MRC1: variants seen among roughly 807,000 people sequenced by gnomAD.
MRC1 encodes macrophage mannose receptor 1.
Under a neutral mutation model 102.9 loss-of-function variants are expected in MRC1, and 62 were observed. That is an observed-to-expected ratio of 0.60 (90% CI 0.49 to 0.74). The LOEUF (loss-of-function observed/expected upper bound fraction) is 0.74. MRC1 is among the 30% of genes least tolerant of loss of function. MRC1 has a pLI of 0.00. For missense variants in MRC1, 1,237 were observed against 862.8 expected (o/e 1.43, Z -5.43); for synonymous variants, 457 against 298.4 (o/e 1.53, Z -5.48).
chr10:17,873,813 G>A lies in MRC1; in HGVS notation c.2374G>A (p.Ala792Thr). ...AACACCAAAACCTGAGCCAACACCA[G>A]CTCCTCAAGACAGTAGGTGTTTTCT... is the stretch of plus-strand genomic sequence containing the variant. ...GQTPKPEPTP[A>T]PQDNPPVTED... The change falls in exon 16 of 30, where the codon GCT becomes ACT. Residue 792 changes from alanine (A) to threonine (T), a missense_variant. Coordinates refer to ENST00000569591, the MANE Select transcript of MRC1 (RefSeq NM_002438.4). 2 of 872,550 alleles carry A rather than the reference G, an allele frequency of 2.3e-6. No homozygotes were observed. Among genetic ancestry groups the A allele is most frequent in the Non-Finnish European group, 4.0e-6 (2 of 501,394 alleles). 54.1% of individuals were successfully genotyped at this position (872,550 alleles called of 1,614,324 possible). A position where few individuals can be genotyped will look rare whatever the true frequency, so the allele number is the denominator to read the frequency against.
chr10:17,906,484 G>T (rs981251282), intron 26 of MRC1, among the ~76,000 whole-genome samples: 1 of 151,580 alleles, frequency 6.6e-6, no homozygotes, highest in Non-Finnish European at 1.5e-5. Context: ...CTGAAATTCT[G>T]TTTCCTCTAT....
intron 19 of MRC1, 113 bp from the exon 20 acceptor site, chr10:17,880,412 A>T: frequency 1.4e-6 from 1 of 735,708 alleles, no homozygotes; most frequent in South Asian, 1.5e-5. Flanking sequence ...ATAAAGTTTG[A>T]TTATAGTCTA....
At chr10:17,900,283 A>C (rs1457290147) in intron 24 of MRC1, among the ~76,000 whole-genome samples, 1 of 151,372 alleles carries the variant, frequency 6.6e-6, no homozygotes, top group Non-Finnish European at 1.5e-5. Context: ...CCTCTCTTCC[A>C]TACCTCTCTT....
intron 4 of MRC1, among the ~76,000 whole-genome samples, chr10:17,837,531 C>T (rs1366393414): frequency 1.3e-5 from 2 of 152,084 alleles, no homozygotes; most frequent in Non-Finnish European, 2.9e-5. Context: ...AATGAAAAAA[C>T]AACCTACAAA....
At chr10:17,834,923 A>G (rs900722570) in intron 4 of MRC1, among the ~76,000 whole-genome samples, 6 of 152,166 alleles carry the variant, frequency 3.9e-5, no homozygotes, top group African/African-American at 1.2e-4. Context: ...GGACACGGCT[A>G]TATTAATATT....
chr10:17,832,327 C>T lies in MRC1; in HGVS notation c.638-1348C>T, dbSNP rs937940105. 2.1e-4 allele frequency among the ~76,000 whole-genome samples: 31 copies of T among 151,096 alleles called. 2 individuals are homozygous for T. Among genetic ancestry groups the T allele is most frequent in the African/African-American group, 7.4e-4 (30 of 40,608 alleles). On this transcript the variant is annotated intron_variant, in intron 3 of 29. Coordinates refer to ENST00000569591, the MANE Select transcript of MRC1 (RefSeq NM_002438.4). ...TTTTATTCACTTTGGGAAGCCGAGG[C>T]GGGTGGATCACAAGGTCAGGAGATC...
intron 9 of MRC1, among the ~76,000 whole-genome samples, chr10:17,860,019 G>T (rs1833159332): frequency 6.6e-6 from 1 of 151,998 alleles, no homozygotes; most frequent in African/African-American, 2.4e-5. Context: ...TTTATACAAG[G>T]ACCTCGGTTC....
At chr10:17,901,085 T>G (rs1833823093) in intron 25 of MRC1, 132 bp downstream of exon 25, 1 of 677,138 alleles carries the variant, frequency 1.5e-6, no homozygotes, top group Non-Finnish European at 2.7e-6. Flanking sequence ...CTCCCTCACC[T>G]ATCAAAAGAC....
At position 17,866,710 on chromosome 10, in the gene MRC1, C is replaced by T; in HGVS notation, c.1932C>T (p.Pro644=). 7.7e-6 allele frequency: 6 copies of T among 780,828 alleles called. No individual in the cohort carries two copies. In the South Asian group the frequency reaches 8.0e-5, roughly 10 times the overall value. The allele number at this position is 780,828 out of a possible 1,614,324, so 48.4% of individuals were successfully genotyped here. A position where few individuals can be genotyped will look rare whatever the true frequency, so the allele number is the denominator to read the frequency against. Residue 644 remains proline, a synonymous_variant, in exon 12 of 30, where the codon CCC becomes CCT. Coordinates refer to ENST00000569591, the MANE Select transcript of MRC1 (RefSeq NM_002438.4). ...CGAAGCCCACGACGACTCCCGAACC[C>T]AAATGTCCGGAGGATTGGGGCGCCA... ...HPPKPTTTPE[P]KCPEDWGASS... is the part of the protein sequence containing the mutation.
At chr10:17,844,051 C>T (rs1838789373) in intron 5 of MRC1, among the ~76,000 whole-genome samples, 4 of 152,138 alleles carry the variant, frequency 2.6e-5, no homozygotes, top group Non-Finnish European at 5.9e-5. Context: ...CCTTTAGCAA[C>T]GTTGACTTTA....
In MRC1 at chr10:17,855,627, C is replaced by T. The variant is rs1277487320; in HGVS notation, c.1408-615C>T. Among the ~76,000 whole-genome samples the T allele has an allele frequency of 2.3e-4, 35 of 150,236 alleles. No individual in the cohort carries two copies. The East Asian group carries it at 6.1e-3, about 26-fold the overall frequency. On this transcript the variant is annotated intron_variant, in intron 8 of 29. Coordinates refer to ENST00000569591, the MANE Select transcript of MRC1 (RefSeq NM_002438.4). ...CTGCATGCAAACCTCTTGCGAGCACCGTCATCCAAGGACTTACAGACATTT... is the reference window on the plus strand; with the variant it reads ...CTGCATGCAAACCTCTTGCGAGCACTGTCATCCAAGGACTTACAGACATTT...
At chr10:17,860,111 C>G (rs1266324113) in intron 9 of MRC1, among the ~76,000 whole-genome samples, 2 of 152,158 alleles carry the variant, frequency 1.3e-5, no homozygotes, top group South Asian at 2.1e-4. Flanking sequence ...GGATCTTAAT[C>G]TAGGATCTCA....
At chr10:17,888,549 T>G (rs1833631669) in intron 22 of MRC1, among the ~76,000 whole-genome samples, 1 of 152,246 alleles carries the variant, frequency 6.6e-6, no homozygotes, top group African/African-American at 2.4e-5. Flanking sequence ...GACTTAACAT[T>G]TTCTTTAATT....
Position 17,823,477 on chromosome 10 carries a change from T to TA in MRC1, c.463+4dup, listed in dbSNP as rs782504090. On this transcript the variant is annotated splice_region_variant and intron_variant, in intron 2 of 29. Transcript: ENST00000569591. ...ATCTGTGCTCCAGAGGTTATGAAGG[T>TA]AAGATGCCTGGAATTTTCACCTTCG... 1 of 780,764 alleles carries TA rather than the reference T, an allele frequency of 1.3e-6. No homozygotes were observed. The highest frequency in any genetic ancestry group is 1.7e-5 in the Admixed American group (1 of 59,006). 48.4% of individuals were successfully genotyped at this position (780,764 alleles called of 1,614,324 possible).
At chr10:17,880,496 T>C (rs782369599) in intron 19 of MRC1, 29 bp from the exon 20 acceptor site, 1 of 780,766 alleles carries the variant, frequency 1.3e-6, no homozygotes, top group Non-Finnish European at 2.4e-6. Context: ...AACATATGAA[T>C]CTAATTTAAC....
chr10:17,851,848 C>A (rs1838922400), intron 7 of MRC1, among the ~76,000 whole-genome samples: 1 of 152,230 alleles, frequency 6.6e-6, no homozygotes, highest in South Asian at 2.1e-4. Context: ...CTAGAGACTT[C>A]TCCAAAAGCA....
chr10:17,910,125 C>A, intron 29 of MRC1, 90 bp from the exon 30 acceptor site: 1 of 769,852 alleles, frequency 1.3e-6, no homozygotes, highest in South Asian at 1.4e-5. Flanking sequence ...AATATTTATG[C>A]CTTTTAGTTT....
Position 17,863,562 on chromosome 10 carries a change from G to T in MRC1, c.1663G>T (p.Val555Phe). 1 of 780,710 alleles carries T rather than the reference G, an allele frequency of 1.3e-6. No homozygotes were observed. The highest frequency in any genetic ancestry group is 2.4e-6 in the Non-Finnish European group (1 of 417,916). The allele number at this position is 780,710 out of a possible 1,614,324, so 48.4% of individuals were successfully genotyped here. A position where few individuals can be genotyped will look rare whatever the true frequency, so the allele number is the denominator to read the frequency against. ...TGAACAAGCCTTCCTGACTAGTTTC[G>T]TTGGCTTAAGGCCTGAAAAATATTT... ...RYEQAFLTSF[V>F]GLRPEKYFWT... is the part of the protein sequence containing the mutation. The change falls in exon 11 of 30, where the codon GTT (valine) becomes TTT (phenylalanine). Residue 555 changes from valine to phenylalanine, a missense_variant. Transcript: ENST00000569591.
In MRC1 at chr10:17,872,146, C is replaced by A; in HGVS notation, c.2344+20C>A. 1 of 780,414 alleles carries A rather than the reference C, an allele frequency of 1.3e-6. No individual in the cohort carries two copies. The highest frequency in any genetic ancestry group is 2.4e-6 in the Non-Finnish European group (1 of 417,692). The allele number at this position is 780,414 out of a possible 1,614,324, so 48.3% of individuals were successfully genotyped here. On this transcript the variant is annotated intron_variant, in intron 15 of 29. Transcript: ENST00000569591. ...AAAAAGGTATGATCACCTCTTCTCT[C>A]CTTTATCTCAGCTTGGTAGACTAAC...
Sources: gnomAD v4.1 joint callset for allele counts (sites outside exome capture counted in the v4.1 genomes callset) on GRCh38, gnomAD v4.1.1 for gene constraint, MANE v1.5 for transcripts, NCBI Gene and HGNC (gene_info 2026-07-23, HGNC 2026-07-21) for gene names.